The following PLAAT4 variants were observed in gnomAD, a reference collection of about 807,000 sequenced individuals.
PLAAT4 encodes phospholipase A and acyltransferase 4.
PLAAT4 carries 12 observed loss-of-function variants against 14.1 expected under a neutral mutation model. That is an observed-to-expected ratio of 0.85 (90% CI 0.54 to 1.37). The LOEUF is 1.37. Ranked by LOEUF, PLAAT4 falls within the 40% of genes most tolerant of loss-of-function variation. The probability of loss-of-function intolerance (pLI) is 0.00; values close to 1 mark genes in which losing one functional copy is unlikely to be tolerated. For missense variants in PLAAT4, 163 were observed against 211.7 expected, an observed-to-expected ratio of 0.77 and a Z score of 1.43; for synonymous variants, 77 against 79.8, an observed-to-expected ratio of 0.96 and a Z score of 0.19.
At chr11:63,537,862 C>T (rs2017285324) in intron 1 of PLAAT4, among the ~76,000 whole-genome samples, 1 of 152,108 alleles carries the variant, frequency 6.6e-6, no homozygotes, top group Non-Finnish European at 1.5e-5. Flanking sequence ...GAGGGAGGAG[C>T]ACACAGGATC....
At chr11:63,546,049 A>C in intron 3 of PLAAT4, 100 bp from the exon 4 acceptor site, 1 of 931,312 alleles carries the variant, frequency 1.1e-6, no homozygotes. Flanking sequence ...TAGGGGAGGC[A>C]GGAGAGAGGG....
intron 2 of PLAAT4, among the ~76,000 whole-genome samples, chr11:63,544,050 C>G (rs1395278057): frequency 2.6e-5 from 4 of 152,182 alleles, no homozygotes; most frequent in African/African-American, 4.8e-5. Context: ...GTATGTGTAA[C>G]AGCACAGCAT....
intron 1 of PLAAT4, chr11:63,538,552 T>C: frequency 4.5e-6 from 1 of 219,934 alleles, no homozygotes; most frequent in South Asian, 4.3e-5. Flanking sequence ...TGGGACATCC[T>C]GGGATGAGGG....
At chr11:63,537,593 C>G (rs79493789) in intron 1 of PLAAT4, among the ~76,000 whole-genome samples, 110 of 152,322 alleles carry the variant, frequency 7.2e-4, no homozygotes, top group African/African-American at 2.4e-3. Context: ...GGGCTTTTAA[C>G]AGGGAGCCCA....
At chr11:63,539,365 C>G (rs2134356169) in intron 1 of PLAAT4, 151 bp from the exon 2 acceptor site, 1 of 683,730 alleles carries the variant, frequency 1.5e-6, no homozygotes, top group South Asian at 1.6e-5. Context: ...AGAAGAGCCT[C>G]TGAAAGTGAC....
At chr11:63,544,580 A>G (rs2017346752) in intron 2 of PLAAT4, 41 bp from the exon 3 acceptor site, 10 of 1,584,704 alleles carry the variant, frequency 6.3e-6, no homozygotes, top group Non-Finnish European at 8.6e-6. Flanking sequence ...TTCTCTCCCT[A>G]CTTCACCTTC....
intron 1 of PLAAT4, among the ~76,000 whole-genome samples, chr11:63,539,257 A>T (rs905475616): frequency 6.6e-6 from 1 of 152,168 alleles, no homozygotes; most frequent in Non-Finnish European, 1.5e-5. Flanking sequence ...GCATGCACAC[A>T]CACAGCACAC....
rs1230625014 is a variant in PLAAT4 at position 63,546,209 on chromosome 11, G to T, written c.448G>T (p.Gly150Ter). 6.2e-7 allele frequency: 1 copy of T among 1,614,104 alleles called. No individual in the cohort carries two copies. The highest frequency in any genetic ancestry group is 2.2e-5 in the East Asian group (1 of 44,878). The change falls in exon 4 of 4, where the codon GGA (glycine) becomes TGA (stop). Residue 150 changes from glycine (G) to a stop codon, truncating the protein, a stop_gained. Coordinates refer to ENST00000255688, the MANE Select transcript of PLAAT4 (RefSeq NM_004585.5). LOFTEE classifies it low-confidence loss of function (END_TRUNC). Reference protein sequence around the residue: ...ATALGILVVAGCSFAIRRYQK... With the variant: ...ATALGILVVA ...GGCGCTTGGAATCCTGGTTGTTGCT[G>T]GATGCTCTTTTGCGATTAGGAGATA...
intron 2 of PLAAT4, among the ~76,000 whole-genome samples, chr11:63,540,739 T>C (rs1470567245): frequency 6.6e-6 from 1 of 152,084 alleles, no homozygotes; most frequent in African/African-American, 2.4e-5. Context: ...GGCAGGAGAA[T>C]TGCTTGAACC....
intron 1 of PLAAT4, among the ~76,000 whole-genome samples, chr11:63,538,129 G>C (rs909979215): frequency 3.3e-5 from 5 of 152,106 alleles, no homozygotes; most frequent in Admixed American, 1.3e-4. Flanking sequence ...GCAGAGACCA[G>C]AGCCAGGGCA....
intron 2 of PLAAT4, among the ~76,000 whole-genome samples, chr11:63,540,474 C>A (rs1025063025): frequency 6.6e-6 from 1 of 151,966 alleles, no homozygotes; most frequent in Admixed American, 6.6e-5. Flanking sequence ...ATATGACATA[C>A]CCAGTTAAAA....
chr11:63,539,635 A>G lies in PLAAT4; in HGVS notation c.118+11A>G, dbSNP rs1565235596. 3 of 1,573,672 alleles carry G rather than the reference A, an allele frequency of 1.9e-6. No individual in the cohort carries two copies. The highest frequency in any genetic ancestry group is 2.6e-6 in the Non-Finnish European group (3 of 1,145,104). On this transcript the variant is annotated intron_variant, in intron 2 of 3. Transcript: ENST00000255688. ...ATCTGGCTCCTCCAAGTAAGGACTG[A>G]TGAATATATAATTTTCAAAATATTT...
At position 63,544,607 on chromosome 11, in the gene PLAAT4, G is replaced by T. The variant is rs2017347078; in HGVS notation, c.119-14G>T. Reference sequence around the variant, plus strand: ...TTCACCTTCCCCTGCCAGTGAGAGTGCCTCTGATTGCAGGTGAGTACCCCG... The same window carrying T: ...TTCACCTTCCCCTGCCAGTGAGAGTTCCTCTGATTGCAGGTGAGTACCCCG... On this transcript the variant is annotated splice_polypyrimidine_tract_variant and intron_variant, in intron 2 of 3. Transcript: ENST00000255688. The T allele has an allele frequency of 6.2e-7, 1 of 1,604,916 alleles. No homozygotes were observed. The highest frequency in any genetic ancestry group is 8.5e-7 in the Non-Finnish European group (1 of 1,172,702).
At chr11:63,545,813 G>A (rs1001078321) in intron 3 of PLAAT4, among the ~76,000 whole-genome samples, 5 of 152,072 alleles carry the variant, frequency 3.3e-5, no homozygotes, top group African/African-American at 4.8e-5. Flanking sequence ...CCTAGGAAGC[G>A]AGGCACAAAC....
intron 2 of PLAAT4, among the ~76,000 whole-genome samples, chr11:63,541,638 T>C (rs1363748514): frequency 1.3e-5 from 2 of 149,866 alleles, no homozygotes; most frequent in East Asian, 4.0e-4. Context: ...TGCATAAACA[T>C]TCTGATTTAA....
intron 2 of PLAAT4, among the ~76,000 whole-genome samples, chr11:63,541,229 GT>G (rs1402730421): frequency 6.9e-6 from 1 of 145,474 alleles, no homozygotes; most frequent in Non-Finnish European, 1.5e-5. Context: ...GTCTTGCTCT[GT>G]CACCGGGATG....
chr11:63,537,992 G>A (rs1230830084), intron 1 of PLAAT4, among the ~76,000 whole-genome samples: 2 of 152,214 alleles, frequency 1.3e-5, no homozygotes, highest in African/African-American at 4.8e-5. Context: ...GGAGTGGGGT[G>A]GCGGGTCAGC....
intron 2 of PLAAT4, among the ~76,000 whole-genome samples, chr11:63,544,114 T>C (rs1258320017): frequency 2.0e-5 from 3 of 152,152 alleles, no homozygotes; most frequent in African/African-American, 7.2e-5. Flanking sequence ...GAAACACAAG[T>C]GTACAAAGCT....
rs369231654 is a variant in PLAAT4 at position 63,539,576 on chromosome 11, T to C, written c.70T>C (p.Trp24Arg). The change falls in exon 2 of 4, where the codon TGG (tryptophan) becomes CGG (arginine). Residue 24 changes from tryptophan (W) to arginine (R), a missense_variant. By Grantham distance (101) the Trp-to-Arg change is moderately radical (BLOSUM62 -3). Coordinates refer to ENST00000255688, the MANE Select transcript of PLAAT4 (RefSeq NM_004585.5). Reference sequence around the variant, plus strand: ...GATTTTCCGCCTTGGCTATGAGCACTGGGCCCTGTATATAGGAGATGGCTA... The same window carrying C: ...GATTTTCCGCCTTGGCTATGAGCACCGGGCCCTGTATATAGGAGATGGCTA... ...IEIFRLGYEHWALYIGDGYVI... is the reference protein window; with the variant it reads ...IEIFRLGYEHRALYIGDGYVI... The C allele has an allele frequency of 4.3e-6, 7 of 1,613,950 alleles. No individual in the cohort carries two copies. In the African/African-American group the frequency reaches 8.0e-5, roughly 18 times the overall value.
Sources: allele counts gnomAD v4.1 joint callset (sites outside exome capture counted in the v4.1 genomes callset), GRCh38; gene constraint gnomAD v4.1.1; transcripts MANE v1.5; gene names NCBI Gene and HGNC (gene_info 2026-07-23, HGNC 2026-07-21).